The following ALDH1A1 variants were observed in gnomAD, a reference collection of about 807,000 sequenced individuals.
ALDH1A1 encodes the protein aldehyde dehydrogenase 1A1.
ALDH1A1 carries 19 observed loss-of-function variants against 62.1 expected under a neutral mutation model. The ratio of observed to expected loss-of-function variants is 0.31; its 90% CI spans 0.21 to 0.45. ALDH1A1 has a LOEUF of 0.45. ALDH1A1 is among the 20% of genes least tolerant of loss of function. ALDH1A1 has a pLI of 1.00. For synonymous variants in ALDH1A1, 231 were observed against 215.9 expected (o/e 1.07, Z -0.61); for missense variants, 521 against 607.1 (o/e 0.86, Z 1.49).
chr9:72,929,316 A>C (rs543918841), intron 3 of ALDH1A1, among the ~76,000 whole-genome samples: 10 of 152,324 alleles, frequency 6.6e-5, no homozygotes, highest in African/African-American at 2.4e-4. Context: ...TGATATACAC[A>C]TAACATCTGA....
chr9:72,923,204 A>C (rs1830163929), intron 7 of ALDH1A1, among the ~76,000 whole-genome samples: 1 of 152,118 alleles, frequency 6.6e-6, no homozygotes, highest in Non-Finnish European at 1.5e-5. Flanking sequence ...TACATGCCTT[A>C]GTACCTTATC....
intron 9 of ALDH1A1, among the ~76,000 whole-genome samples, chr9:72,916,655 G>A (rs1471806041): frequency 6.6e-6 from 1 of 152,076 alleles, no homozygotes. Context: ...AGCCAAAAAT[G>A]TAGAACATTT....
At chr9:72,913,303 T>G (rs1830014387) in intron 9 of ALDH1A1, among the ~76,000 whole-genome samples, 1 of 152,170 alleles carries the variant, frequency 6.6e-6, no homozygotes, top group Non-Finnish European at 1.5e-5. Context: ...CAGTCTTTAG[T>G]GCAATATTTA....
Position 72,925,527 on chromosome 9 carries a change from T to C in ALDH1A1, c.590A>G (p.Gln197Arg), listed in dbSNP as rs1830194194. The C allele has an allele frequency of 1.9e-6, 3 of 1,614,096 alleles. No individual in the cohort carries two copies. The highest frequency in any genetic ancestry group is 2.5e-6 in the Non-Finnish European group (3 of 1,179,912). The change falls in exon 6 of 13, where the codon CAA (glutamine) becomes CGA (arginine). Residue 197 changes from glutamine (Q) to arginine (R), a missense_variant. Transcript: ENST00000297785. ...GNTVVVKPAE[Q>R]TPLTALHVAS... ...CACGTGGAGAGCAGTGAGAGGAGTT[T>C]GCTCTGCTGGTTTGACAACCACTGT...
At chr9:72,951,714 G>A (rs1409872144) in intron 1 of ALDH1A1, among the ~76,000 whole-genome samples, 1 of 151,804 alleles carries the variant, frequency 6.6e-6, no homozygotes, top group African/African-American at 2.4e-5. Context: ...TTGACGGTAT[G>A]GATTTACTGC....
chr9:72,937,062 A>C (rs1830355108), intron 2 of ALDH1A1, among the ~76,000 whole-genome samples: 1 of 152,166 alleles, frequency 6.6e-6, no homozygotes, highest in African/African-American at 2.4e-5. Context: ...AGACAGGCTA[A>C]ATTTTGAGAA....
Position 72,911,011 on chromosome 9 carries a change from A to AT in ALDH1A1, c.1200+946dup, listed in dbSNP as rs560208213. On this transcript the variant is annotated intron_variant, in intron 10 of 12. Transcript: ENST00000297785. ...ACAATAAATGTTTCCTTAATTGAAG[A>AT]TTTTTTTCCACGTCTTATCTGGTAT... 1.6e-3 allele frequency among the ~76,000 whole-genome samples: 240 copies of AT among 152,186 alleles called. 1 individual carries two copies. Among genetic ancestry groups the AT allele is most frequent in the Middle Eastern group, 3.4e-3 (1 of 294 alleles).
chr9:72,906,122 T>C, intron 11 of ALDH1A1, 90 bp from the exon 12 acceptor site: 1 of 873,138 alleles, frequency 1.1e-6, no homozygotes, highest in Non-Finnish European at 1.8e-6. Context: ...GAAAGCTCCT[T>C]ACAAACTCCA....
chr9:72,939,698 A>C (rs111400550), intron 2 of ALDH1A1, among the ~76,000 whole-genome samples: 3 of 151,902 alleles, frequency 2.0e-5, no homozygotes, highest in African/African-American at 7.2e-5. Flanking sequence ...TTGTATTTTT[A>C]GTAGAGACGG....
At chr9:72,928,859 C>A (rs754000152) in intron 4 of ALDH1A1, 33 bp downstream of exon 4, 1 of 1,609,028 alleles carries the variant, frequency 6.2e-7, no homozygotes. Flanking sequence ...TCGCTCCTAT[C>A]CTCACCATTA....
At chr9:72,947,820 C>A (rs983591967) in intron 1 of ALDH1A1, among the ~76,000 whole-genome samples, 3 of 151,896 alleles carry the variant, frequency 2.0e-5, no homozygotes, top group African/African-American at 7.2e-5. Flanking sequence ...AAATGGGACT[C>A]TGCTAACATC....
chr9:72,912,225 A>G (rs1830001329), intron 9 of ALDH1A1, 103 bp from the exon 10 acceptor site: 1 of 858,080 alleles, frequency 1.2e-6, no homozygotes, highest in African/African-American at 1.7e-5. Context: ...AAATATTGCA[A>G]TTAAACCAAA....
At chr9:72,907,000 A>C (rs375685118) in intron 11 of ALDH1A1, among the ~76,000 whole-genome samples, 99 of 152,176 alleles carry the variant, frequency 6.5e-4, no homozygotes, top group East Asian at 2.1e-3. Flanking sequence ...AACCAACCAA[A>C]CAAACAAACA....
chr9:72,904,974 A>G (rs931966936), intron 12 of ALDH1A1, among the ~76,000 whole-genome samples: 3 of 152,198 alleles, frequency 2.0e-5, no homozygotes, highest in African/African-American at 7.2e-5. Context: ...TTGAGAAAGT[A>G]GACTGGTCAT....
In ALDH1A1 at chr9:72,922,796, A is replaced by T. The variant is rs7037994; in HGVS notation, c.747+1223T>A. Among the ~76,000 whole-genome samples, 1,162 of 152,276 alleles carry T rather than the reference A, an allele frequency of 7.6e-3. 14 individuals are homozygous for T. Among genetic ancestry groups the T allele is most frequent in the African/African-American group, 0.027 (1,106 of 41,538 alleles). ...TTAAATGTATTGCCATATCTTGAAC[A>T]TTCCCACTTGTTCTGTCTACAATAA... On this transcript the variant is annotated intron_variant, in intron 7 of 12. Coordinates refer to ENST00000297785, the MANE Select transcript of ALDH1A1 (RefSeq NM_000689.5).
At position 72,932,949 on chromosome 9, in the gene ALDH1A1, A is replaced by G. The variant is rs947990404; in HGVS notation, c.172-1930T>C. Among the ~76,000 whole-genome samples the G allele has an allele frequency of 3.9e-5, 6 of 152,310 alleles. No individual in the cohort carries two copies. The East Asian group carries it at 9.7e-4, about 25-fold the overall frequency. On this transcript the variant is annotated intron_variant, in intron 2 of 12. Transcript: ENST00000297785. ...CTATCATAGGGATCTTGGCCTCCCA[A>G]AGGGATACGGAGAACTGGCTTCAAG... is the stretch of plus-strand genomic sequence containing the variant.
At position 72,931,416 on chromosome 9, in the gene ALDH1A1, C is replaced by T. The variant is rs561541670; in HGVS notation, c.172-397G>A. ...ATGAAGAAACTAAAGCAAAGAGAGA[C>T]GGGAGCTTTGCTCAAGGTTAATAAC... is the stretch of plus-strand genomic sequence containing the variant. On this transcript the variant is annotated intron_variant, in intron 2 of 12. Coordinates refer to ENST00000297785, the MANE Select transcript of ALDH1A1 (RefSeq NM_000689.5). Among the ~76,000 whole-genome samples the T allele has an allele frequency of 1.1e-4, 17 of 152,232 alleles. No individual in the cohort carries two copies. In the East Asian group the frequency reaches 1.2e-3, roughly 10 times the overall value.
intron 12 of ALDH1A1, among the ~76,000 whole-genome samples, chr9:72,904,256 C>A (rs571938860): frequency 2.0e-4 from 31 of 152,214 alleles, no homozygotes; most frequent in African/African-American, 7.5e-4. Flanking sequence ...GATGGGCTAA[C>A]TTTTTGTTCT....
At chr9:72,908,557 AAGAAAGAAAGAAAGAAAG>A (rs1564622528) in intron 11 of ALDH1A1, among the ~76,000 whole-genome samples, 2 of 3,678 alleles carry the variant, frequency 5.4e-4, no homozygotes, top group East Asian at 0.014. Context: ...AGAAAGAAGA[AAGAAAGAAAGAAAGAAAG>A]AAAGAAAGAA....
Sources: gnomAD v4.1 joint callset for allele counts (sites outside exome capture counted in the v4.1 genomes callset) on GRCh38, gnomAD v4.1.1 for gene constraint, MANE v1.5 for transcripts, NCBI Gene and HGNC (gene_info 2026-07-23, HGNC 2026-07-21) for gene names.